Variants in GRIK1 observed in about 807,000 individuals in gnomAD.
The protein encoded by GRIK1 is glutamate receptor ionotropic, kainate 1.
A neutral mutation model predicts 105.7 loss-of-function variants in GRIK1; 69 were observed. That is an observed-to-expected ratio of 0.65 (90% confidence interval 0.54 to 0.80). The LOEUF is 0.80. Ranked by LOEUF, GRIK1 falls within the 30% of genes least tolerant of loss-of-function variation. The pLI, the probability that GRIK1 is intolerant of heterozygous loss-of-function variation, is 0.00. For synonymous variants in GRIK1, 438 were observed against 431.3 expected (o/e 1.02, Z -0.19); for missense variants, 1,109 against 1,167.3 (o/e 0.95, Z 0.73).
chr21:29,813,890 C>T (rs1032067079), intron 1 of GRIK1, among the ~76,000 whole-genome samples: 5 of 149,844 alleles, frequency 3.3e-5, no homozygotes, highest in African/African-American at 1.2e-4. Flanking sequence ...ACTGAGGCCA[C>T]GGGTTAGACC....
intron 1 of GRIK1, among the ~76,000 whole-genome samples, chr21:29,823,844 C>G (rs1410910503): frequency 1.3e-5 from 2 of 151,900 alleles, no homozygotes; most frequent in Non-Finnish European, 2.9e-5. Context: ...TCAGCTCTCC[C>G]AAGCAGAATA....
At chr21:29,766,360 C>T (rs555415495) in intron 1 of GRIK1, among the ~76,000 whole-genome samples, 33 of 152,260 alleles carry the variant, frequency 2.2e-4, no homozygotes, top group African/African-American at 7.5e-4. Flanking sequence ...CTACTGGCTT[C>T]CAGTGGGTAG....
At chr21:29,550,712 C>T (rs1389609633) in intron 16 of GRIK1, among the ~76,000 whole-genome samples, 1 of 152,152 alleles carries the variant, frequency 6.6e-6, no homozygotes, top group Non-Finnish European at 1.5e-5. Flanking sequence ...AACCAATTTT[C>T]TAAACCAGAT....
At chr21:29,691,632 AT>A (rs2063586326) in intron 2 of GRIK1, among the ~76,000 whole-genome samples, 1 of 152,354 alleles carries the variant, frequency 6.6e-6, no homozygotes, top group Non-Finnish European at 1.5e-5. Flanking sequence ...TCAAATTTAT[AT>A]TTTAATTCTG....
intron 15 of GRIK1, among the ~76,000 whole-genome samples, 195 bp from the exon 16 acceptor site, chr21:29,555,497 C>T (rs1328526899): frequency 6.6e-6 from 1 of 152,124 alleles, no homozygotes; most frequent in African/African-American, 2.4e-5. Context: ...AGATAGCTGA[C>T]ATGTTGAGAT....
chr21:29,592,809 G>A lies in GRIK1; in HGVS notation c.1252-1584C>T, dbSNP rs78108002. Among the ~76,000 whole-genome samples, 1,519 of 152,166 alleles carry A rather than the reference G, an allele frequency of 1.0e-2. 24 individuals are homozygous for A. The highest frequency in any genetic ancestry group is 0.035 in the African/African-American group (1,443 of 41,498). On this transcript the variant is annotated intron_variant, in intron 9 of 17. Transcript: ENST00000327783. ...ACCTTACCCTGTCATGAAGGAATCT[G>A]GACTCATTTTTTTAAAAATTCAGAT...
chr21:29,928,390 T>C (rs1332741917), intron 1 of GRIK1, among the ~76,000 whole-genome samples: 1 of 151,984 alleles, frequency 6.6e-6, no homozygotes, highest in Non-Finnish European at 1.5e-5. Context: ...CCCCTTCGAG[T>C]TGGGAAACCT....
At chr21:29,652,383 T>G (rs1358650031) in intron 5 of GRIK1, among the ~76,000 whole-genome samples, 1 of 152,122 alleles carries the variant, frequency 6.6e-6, no homozygotes. Flanking sequence ...TCATATCTCA[T>G]ACAACGAGGG....
At chr21:29,734,101 A>G (rs2064707266) in intron 1 of GRIK1, among the ~76,000 whole-genome samples, 1 of 152,174 alleles carries the variant, frequency 6.6e-6, no homozygotes, top group Non-Finnish European at 1.5e-5. Flanking sequence ...AGCCAATACA[A>G]ACTTGCTCCA....
chr21:29,915,310 C>T (rs2070958021), intron 1 of GRIK1, among the ~76,000 whole-genome samples: 1 of 151,992 alleles, frequency 6.6e-6, no homozygotes, highest in Non-Finnish European at 1.5e-5. Context: ...CATATCCAAC[C>T]AGACCTTGTA....
At chr21:29,848,769 ATATATATATAT>A (rs2068209724) in intron 1 of GRIK1, among the ~76,000 whole-genome samples, 1 of 94,126 alleles carries the variant, frequency 1.1e-5, no homozygotes, top group Non-Finnish European at 1.9e-5. Flanking sequence ...ATATATATAT[ATATATATATAT>A]TTTTTTTTTT....
chr21:29,651,384 C>A (rs1403591438), intron 5 of GRIK1, 93 bp from the exon 6 acceptor site: 17 of 778,930 alleles, frequency 2.2e-5, no homozygotes, highest in Non-Finnish European at 3.3e-5. Context: ...CCAACTAATA[C>A]AATGATACCT....
intron 1 of GRIK1, chr21:29,748,101 T>A (rs1229695893): frequency 6.6e-6 from 1 of 152,208 alleles, no homozygotes; most frequent in Non-Finnish European, 1.5e-5. Context: ...TTCATTTAAG[T>A]TCTTGGGTTT....
intron 1 of GRIK1, among the ~76,000 whole-genome samples, chr21:29,828,225 G>A (rs1450805389): frequency 1.3e-5 from 2 of 152,036 alleles, no homozygotes; most frequent in East Asian, 3.9e-4. Flanking sequence ...CAAGAGGAGG[G>A]CACTACACAA....
intron 1 of GRIK1, among the ~76,000 whole-genome samples, chr21:29,729,203 A>G (rs536088766): frequency 2.6e-5 from 4 of 152,112 alleles, no homozygotes; most frequent in Non-Finnish European, 4.4e-5. Context: ...CTGGCCATCG[A>G]GTCTAGAGGT....
chr21:29,746,385 T>C (rs2065049310), intron 1 of GRIK1, among the ~76,000 whole-genome samples: 2 of 152,196 alleles, frequency 1.3e-5, no homozygotes, highest in Non-Finnish European at 1.5e-5. Context: ...CAAGGACAAA[T>C]ACAGATAGTG....
At chr21:29,734,526 G>A (rs1319477752) in intron 1 of GRIK1, among the ~76,000 whole-genome samples, 3 of 151,670 alleles carry the variant, frequency 2.0e-5, no homozygotes, top group African/African-American at 4.8e-5. Context: ...CAGCCTCCTG[G>A]GTAGTTGGGA....
chr21:29,744,701 A>G (rs2065008296), intron 1 of GRIK1, among the ~76,000 whole-genome samples: 1 of 151,672 alleles, frequency 6.6e-6, no homozygotes, highest in Non-Finnish European at 1.5e-5. Flanking sequence ...AGATCTTGTT[A>G]TCTGTTCTTT....
intron 6 of GRIK1, among the ~76,000 whole-genome samples, chr21:29,644,382 T>C (rs987772492): frequency 1.3e-5 from 2 of 152,210 alleles, no homozygotes; most frequent in African/African-American, 4.8e-5. Flanking sequence ...ACATGGTTCC[T>C]GACACAGAAA....
Sources: gnomAD v4.1 joint callset for allele counts (sites outside exome capture counted in the v4.1 genomes callset) on GRCh38, gnomAD v4.1.1 for gene constraint, MANE v1.5 for transcripts, NCBI Gene and HGNC (gene_info 2026-07-23, HGNC 2026-07-21) for gene names.